CHRDL1: variants seen among roughly 807,000 people sequenced by gnomAD.
CHRDL1 encodes the protein chordin-like protein 1.
CHRDL1 carries 19 observed loss-of-function variants against 40.9 expected under a neutral mutation model. The observed-to-expected ratio is 0.46, with a 90% confidence interval of 0.32 to 0.68. The LOEUF (loss-of-function observed/expected upper bound fraction) is 0.68, where lower values mean the gene tolerates loss of function less well. Ranked by LOEUF, CHRDL1 falls within the 30% of genes least tolerant of loss-of-function variation. The probability of loss-of-function intolerance (pLI) is 0.03; values close to 1 mark genes in which losing one functional copy is unlikely to be tolerated. For synonymous variants in CHRDL1, 136 were observed against 123.4 expected (o/e 1.10, Z -0.68); for missense variants, 329 against 352.1 (o/e 0.93, Z 0.53).
intron 4 of CHRDL1, among the ~76,000 whole-genome samples, chrX:110,732,408 T>C (rs1371005742): frequency 9.0e-6 from 1 of 111,641 alleles, no homozygotes; most frequent in Non-Finnish European, 1.9e-5. Flanking sequence ...TGTAGCAGAT[T>C]CAACAGATCA....
chrX:110,704,234 T>A (rs984812531), intron 6 of CHRDL1, among the ~76,000 whole-genome samples: 32 of 111,666 alleles, frequency 2.9e-4, no homozygotes, highest in Admixed American at 8.6e-4. Flanking sequence ...ACATATCATG[T>A]ACCTCATAAA....
At chrX:110,765,243 C>T (rs967389502) in intron 2 of CHRDL1, among the ~76,000 whole-genome samples, 4 of 111,513 alleles carry the variant, frequency 3.6e-5, no homozygotes, top group South Asian at 3.8e-4. Context: ...ACCATCCTAC[C>T]GATATGTGAT....
intron 4 of CHRDL1, among the ~76,000 whole-genome samples, chrX:110,722,977 G>A (rs2070989079): frequency 1.8e-5 from 2 of 111,580 alleles, no homozygotes; most frequent in Non-Finnish European, 3.8e-5. Context: ...TGGGCCAGGC[G>A]CGGTGGCTCA....
At chrX:110,697,289 G>C (rs2070406163) in intron 7 of CHRDL1, among the ~76,000 whole-genome samples, 1 of 109,732 alleles carries the variant, frequency 9.1e-6, no homozygotes, top group Non-Finnish European at 1.9e-5. Flanking sequence ...TAAAATATAA[G>C]AGTTTTATTG....
intron 4 of CHRDL1, among the ~76,000 whole-genome samples, chrX:110,733,213 T>C (rs930668981): frequency 2.7e-5 from 3 of 111,783 alleles, no homozygotes; most frequent in Non-Finnish European, 5.6e-5. Flanking sequence ...GCAGTGTCAG[T>C]CAACTGCTTG....
intron 4 of CHRDL1, among the ~76,000 whole-genome samples, chrX:110,759,065 G>A (rs973710179): frequency 4.5e-5 from 5 of 111,872 alleles, no homozygotes; most frequent in African/African-American, 1.6e-4. Flanking sequence ...GACAAATACC[G>A]TAGCTGCAAA....
chrX:110,689,161 G>A (rs2070101148), intron 8 of CHRDL1, among the ~76,000 whole-genome samples: 1 of 96,212 alleles, frequency 1.0e-5, no homozygotes, highest in South Asian at 5.1e-4. Context: ...TGGTGTGATT[G>A]TGGCTCACTG....
Position 110,711,651 on chromosome X carries a change from T to C in CHRDL1, c.541+8184A>G, listed in dbSNP as rs750393867. ...TGCTGTTATTTTCTTCAGTTTTCTT[T>C]GATTTTGAAAACTTTGAAAAACTGG... On this transcript the variant is annotated intron_variant, in intron 6 of 11. Transcript: ENST00000372042. Among the ~76,000 whole-genome samples the C allele has an allele frequency of 1.6e-4, 18 of 112,146 alleles. No homozygotes were observed. In the East Asian group the frequency reaches 3.9e-3, roughly 24 times the overall value.
chrX:110,686,963 T>G (rs747447049), intron 9 of CHRDL1, among the ~76,000 whole-genome samples: 13 of 109,902 alleles, frequency 1.2e-4, no homozygotes, highest in Admixed American at 8.7e-4. Context: ...CTCATAAATT[T>G]CAATGCCCCA....
chrX:110,765,535 C>T (rs143489568), intron 2 of CHRDL1, among the ~76,000 whole-genome samples: 2,381 of 111,568 alleles, frequency 0.021, 65 homozygotes, highest in African/African-American at 0.073. Flanking sequence ...GCCAGTTATC[C>T]CAGCACTATT....
chrX:110,692,857 C>T (rs1053866434), intron 8 of CHRDL1, among the ~76,000 whole-genome samples: 22 of 112,035 alleles, frequency 2.0e-4, no homozygotes, highest in African/African-American at 7.1e-4. Flanking sequence ...CAGATGTGAT[C>T]AACTAGCTTT....
intron 1 of CHRDL1, among the ~76,000 whole-genome samples, chrX:110,793,427 C>A (rs1465256215): frequency 9.0e-6 from 1 of 111,515 alleles, no homozygotes; most frequent in Non-Finnish European, 1.9e-5. Flanking sequence ...TCCTTCTTTA[C>A]CTCCTCCCTG....
intron 9 of CHRDL1, among the ~76,000 whole-genome samples, chrX:110,687,162 G>A (rs1889922947): frequency 9.0e-6 from 1 of 111,414 alleles, no homozygotes; most frequent in Non-Finnish European, 1.9e-5. Flanking sequence ...AGTAGGTCTT[G>A]AGTGGGGGCC....
chrX:110,677,268 T>A (rs946177217), intron 11 of CHRDL1, among the ~76,000 whole-genome samples: 1 of 111,104 alleles, frequency 9.0e-6, no homozygotes, highest in Non-Finnish European at 1.9e-5. Flanking sequence ...TCTCTATGAC[T>A]CAATGGGAAG....
chrX:110,726,735 G>A (rs747849692), intron 4 of CHRDL1, among the ~76,000 whole-genome samples: 11 of 112,242 alleles, frequency 9.8e-5, no homozygotes, highest in Non-Finnish European at 2.1e-4. Flanking sequence ...AGAGGTCACA[G>A]AGAGGAAAGC....
rs752291441 is a variant in CHRDL1 at position 110,681,606 on chromosome X, G to A, written c.1032C>T (p.Cys344=). The A allele has an allele frequency of 6.6e-6, 8 of 1,204,763 alleles. No individual in the cohort carries two copies. The African/African-American group carries it at 7.0e-5, about 11-fold the overall frequency. ...CATACACAGGCATCGTTTCTTCCCC[G>A]CAGAAGTAGCCTTTATTGTCAAAGC... ...GQSFDNKGYF[C]GEETMPVYES... is the part of the protein sequence containing the mutation. The change falls in exon 10 of 12, where the codon TGC becomes TGT. Residue 344 remains cysteine, a synonymous_variant. Transcript: ENST00000372042.
intron 4 of CHRDL1, 148 bp downstream of exon 4, chrX:110,759,513 T>A (rs2089520486): frequency 2.1e-6 from 1 of 471,507 alleles, no homozygotes; most frequent in Admixed American, 3.2e-5. Flanking sequence ...CTATAAAAAG[T>A]ATTTAGAGGC....
At chrX:110,721,744 T>A (rs1359030951) in intron 4 of CHRDL1, among the ~76,000 whole-genome samples, 2 of 112,025 alleles carry the variant, frequency 1.8e-5, no homozygotes, top group Non-Finnish European at 3.8e-5. Context: ...CATCCGTCCA[T>A]CCATCCATCC....
intron 4 of CHRDL1, among the ~76,000 whole-genome samples, chrX:110,755,784 A>G (rs767131177): frequency 2.7e-5 from 3 of 111,620 alleles, no homozygotes; most frequent in South Asian, 3.8e-4. Flanking sequence ...TCTTTGACCA[A>G]ACATTTCTGT....
Sources: allele counts gnomAD v4.1 joint callset (sites outside exome capture counted in the v4.1 genomes callset), GRCh38; gene constraint gnomAD v4.1.1; transcripts MANE v1.5; gene names NCBI Gene and HGNC (gene_info 2026-07-23, HGNC 2026-07-21).